The following ZNF195 variants were observed in gnomAD, a reference collection of about 807,000 sequenced individuals.
ZNF195 encodes zinc finger protein 195.
A neutral mutation model predicts 19.5 loss-of-function variants in ZNF195; 11 were observed. The observed-to-expected ratio is 0.57, with a 90% CI of 0.36 to 0.94. ZNF195 has a LOEUF of 0.94. ZNF195 is among the 40% of genes least tolerant of loss of function. The pLI, the probability that ZNF195 is intolerant of heterozygous loss-of-function variation, is 0.01. For missense variants in ZNF195, 582 were observed against 709.0 expected (o/e 0.82, Z 2.03); for synonymous variants, 214 against 248.1 (o/e 0.86, Z 1.29).
intron 3 of ZNF195, among the ~76,000 whole-genome samples, chr11:3,368,273 C>T (rs968884182): frequency 2.0e-5 from 3 of 152,100 alleles, no homozygotes; most frequent in African/African-American, 7.2e-5. Flanking sequence ...ATATATTCCC[C>T]GACAGCAACA....
At chr11:3,366,512 T>C (rs575244881) in intron 3 of ZNF195, among the ~76,000 whole-genome samples, 2 of 152,188 alleles carry the variant, frequency 1.3e-5, no homozygotes, top group African/African-American at 4.8e-5. Flanking sequence ...TTAAATAATT[T>C]GATTTAAAAA....
At chr11:3,369,865 C>T (rs1476941075) in intron 3 of ZNF195, among the ~76,000 whole-genome samples, 4 of 152,222 alleles carry the variant, frequency 2.6e-5, no homozygotes, top group Non-Finnish European at 5.9e-5. Context: ...CAACGGTAGA[C>T]ATTAACTGTT....
chr11:3,369,356 C>A, intron 3 of ZNF195: 2 of 257,134 alleles, frequency 7.8e-6, no homozygotes, highest in Admixed American at 4.6e-5. Context: ...GATAAACCTA[C>A]CCTGCAACGC....
chr11:3,359,036 A>G lies in ZNF195; in HGVS notation c.*82T>C. On this transcript the variant is annotated 3_prime_UTR_variant, in exon 6 of 6. Transcript: ENST00000399602. This position sits in a 1 kb window ranked among gnomAD's most constrained non-coding sequence, Gnocchi z 5.5. ...TAGTAATTACATTTATGATAACTTT[A>G]TTAAGTCTGAACTCTGATGTAAAGT... 1 of 1,421,716 alleles carries G rather than the reference A, an allele frequency of 7.0e-7. No individual in the cohort carries two copies. The highest frequency in any genetic ancestry group is 9.2e-7 in the Non-Finnish European group (1 of 1,081,276). The allele number at this position is 1,421,716 out of a possible 1,614,324, so 88.1% of individuals were successfully genotyped here. A position where few individuals can be genotyped will look rare whatever the true frequency, so the allele number is the denominator to read the frequency against.
At chr11:3,364,874 T>C (rs1230830058) in intron 3 of ZNF195, among the ~76,000 whole-genome samples, 1 of 152,184 alleles carries the variant, frequency 6.6e-6, no homozygotes, top group African/African-American at 2.4e-5. Context: ...AGAAATAAAA[T>C]AGCTGAATGG....
chr11:3,371,380 A>G (rs993275640), intron 2 of ZNF195, among the ~76,000 whole-genome samples, 197 bp downstream of exon 2: 1 of 151,998 alleles, frequency 6.6e-6, no homozygotes, highest in African/African-American at 2.4e-5. Flanking sequence ...GCTGAAAAAA[A>G]AGGAAGGTTT....
intron 3 of ZNF195, chr11:3,368,858 G>A (rs187916332): frequency 2.2e-6 from 1 of 455,354 alleles, no homozygotes; most frequent in South Asian, 1.6e-5. Flanking sequence ...ACTTGGTCCT[G>A]GAGAAACAGA....
Position 3,360,486 on chromosome 11 carries a change from TC to T in ZNF195, c.521del (p.Gly174AspfsTer12). On this transcript the variant is annotated frameshift_variant, in exon 6 of 6. Transcript: ENST00000399602. LOFTEE classifies it low-confidence loss of function (END_TRUNC). ...QDAFPKRILR[G>X]YGNCGLDNLY... ...AATTATCAAGGCCACAATTTCCATA[TC>T]CTCTCAGTATTCTTTTTGGGAATGC... The T allele has an allele frequency of 6.2e-7, 1 of 1,610,308 alleles. No homozygotes were observed. Among genetic ancestry groups the T allele is most frequent in the South Asian group, 1.1e-5 (1 of 90,784 alleles).
intron 1 of ZNF195, 60 bp downstream of exon 1, chr11:3,378,978 G>A: frequency 2.9e-6 from 4 of 1,367,010 alleles, no homozygotes; most frequent in South Asian, 1.7e-5. Context: ...TCCCGAGCCG[G>A]TACCGCGGGT....
In ZNF195 at chr11:3,359,101, ATTTG is replaced by A. The variant is rs141992358; in HGVS notation, c.*13_*16del. The A allele has an allele frequency of 1.8e-3, 2,705 of 1,526,062 alleles. 22 individuals carry two copies. The African/African-American group carries it at 0.02, about 11-fold the overall frequency. 94.5% of individuals were successfully genotyped at this position (1,526,062 alleles called of 1,614,324 possible). A position where few individuals can be genotyped will look rare whatever the true frequency, so the allele number is the denominator to read the frequency against. ...TACTAACGGCTTTGCCTATTTTTAT[ATTTG>A]TTTATTTTTTTCTCAAGTATGAATG... On this transcript the variant is annotated 3_prime_UTR_variant, in exon 6 of 6. Coordinates refer to ENST00000399602, the MANE Select transcript of ZNF195 (RefSeq NM_001130520.3). The surrounding 1 kb of genome is among the most constrained non-coding windows in gnomAD (Gnocchi z 5.5).
chr11:3,366,282 A>G (rs1469747848), intron 3 of ZNF195, among the ~76,000 whole-genome samples: 1 of 150,408 alleles, frequency 6.6e-6, no homozygotes, highest in African/African-American at 2.4e-5. Flanking sequence ...AAAAAAAAAA[A>G]GAATAAAACT....
intron 1 of ZNF195, chr11:3,373,810 A>G: frequency 1.7e-6 from 1 of 576,656 alleles, no homozygotes; most frequent in Non-Finnish European, 3.0e-6. Context: ...TTCTACATGG[A>G]GATCAAAATG....
intron 4 of ZNF195, 34 bp from the exon 5 acceptor site, chr11:3,360,822 AC>A: frequency 6.5e-7 from 1 of 1,545,934 alleles, no homozygotes. Context: ...ACAGTCTGTT[AC>A]GTTTACCCAC....
In ZNF195 at chr11:3,360,107, T is replaced by A. The variant is rs748212570; in HGVS notation, c.901A>T (p.Lys301Ter). The change falls in exon 6 of 6, where the codon AAG becomes TAG. Residue 301 changes from lysine (K) to a stop codon, truncating the protein, a stop_gained. Coordinates refer to ENST00000399602, the MANE Select transcript of ZNF195 (RefSeq NM_001130520.3). LOFTEE classifies it low-confidence loss of function (END_TRUNC). ...ATGACGTTGTTACATTCTTGACACT[T>A]GTAAGGTTTCTCTCCAGTGTCAATG... ...ENIDTGEKPY[K>*]CQECNNVIKT... 6.2e-7 allele frequency: 1 copy of A among 1,614,148 alleles called. No homozygotes were observed. Among genetic ancestry groups the A allele is most frequent in the Non-Finnish European group, 8.5e-7 (1 of 1,180,028 alleles).
chr11:3,379,036 A>ACCAT lies in ZNF195; in HGVS notation c.1_3+1dup, dbSNP rs1318365506. 1 of 1,493,984 alleles carries ACCAT rather than the reference A, an allele frequency of 6.7e-7. No individual in the cohort carries two copies. The highest frequency in any genetic ancestry group is 9.0e-7 in the Non-Finnish European group (1 of 1,111,906). The allele number at this position is 1,493,984 out of a possible 1,614,324, so 92.5% of individuals were successfully genotyped here. A position where few individuals can be genotyped will look rare whatever the true frequency, so the allele number is the denominator to read the frequency against. ...CTCAGGAGGCCTGGCCCCTACACTCACCATCTCCTGGCCTCCAGAGAGCCT... is the reference window on the plus strand; with the variant it reads ...CTCAGGAGGCCTGGCCCCTACACTCACCATCCATCTCCTGGCCTCCAGAGAGCCT... On this transcript the variant is annotated splice_donor_variant, in intron 1 of 5. Transcript: ENST00000399602. LOFTEE classifies it high-confidence loss of function.
At chr11:3,374,123 G>A (rs921211378) in intron 1 of ZNF195, among the ~76,000 whole-genome samples, 4 of 152,184 alleles carry the variant, frequency 2.6e-5, no homozygotes, top group Non-Finnish European at 5.9e-5. Flanking sequence ...TTTTTGAGTT[G>A]TCCATGTGAT....
intron 3 of ZNF195, chr11:3,369,249 A>T (rs1261351322): frequency 4.3e-6 from 1 of 234,618 alleles, no homozygotes; most frequent in African/African-American, 2.3e-5. Context: ...GTTGATAAGG[A>T]TGTAAAGAAA....
intron 3 of ZNF195, among the ~76,000 whole-genome samples, chr11:3,369,912 A>G (rs1849108053): frequency 6.6e-6 from 1 of 152,246 alleles, no homozygotes; most frequent in South Asian, 2.1e-4. Flanking sequence ...GAAGTGATAG[A>G]TTTGTTCCTT....
chr11:3,377,942 CA>C (rs141416615), intron 1 of ZNF195: 87,533 of 979,076 alleles, frequency 0.089, 4,152 homozygotes, highest in Non-Finnish European at 0.094. Flanking sequence ...AGACTTTTTA[CA>C]ATAGCGTCAG....
Sources: gnomAD v4.1 joint callset for allele counts (sites outside exome capture counted in the v4.1 genomes callset) on GRCh38, gnomAD v4.1.1 for gene constraint, Gnocchi (gnomAD v3.1) non-coding constraint, MANE v1.5 for transcripts, NCBI Gene and HGNC (gene_info 2026-07-23, HGNC 2026-07-21) for gene names.